Variants in TOM1L2 observed in about 807,000 individuals in gnomAD.
TOM1L2 encodes TOM1-like protein 2.
TOM1L2 carries 31 observed loss-of-function variants against 67.9 expected under a neutral mutation model. That is an observed-to-expected ratio of 0.46 (90% confidence interval 0.34 to 0.62). The LOEUF (loss-of-function observed/expected upper bound fraction) is 0.62, where lower values mean the gene tolerates loss of function less well. Ranked by LOEUF, TOM1L2 falls within the 20% of genes least tolerant of loss-of-function variation. The pLI is 0.01. For synonymous variants in TOM1L2, 256 were observed against 254.0 expected, an observed-to-expected ratio of 1.01 and a Z score of -0.07; for missense variants, 606 against 663.5, an observed-to-expected ratio of 0.91 and a Z score of 0.95.
intron 10 of TOM1L2, among the ~76,000 whole-genome samples, chr17:17,864,580 C>T (rs369929552): frequency 2.6e-4 from 39 of 151,362 alleles, no homozygotes; most frequent in African/African-American, 8.7e-4. Flanking sequence ...GGCACAATCT[C>T]GGCTCACTGC....
At position 17,962,604 on chromosome 17, in the gene TOM1L2, G is replaced by A. The variant is rs537644851; in HGVS notation, c.52+9658C>T. Among the ~76,000 whole-genome samples the A allele has an allele frequency of 2.2e-4, 33 of 151,502 alleles. No homozygotes were observed. In the South Asian group the frequency reaches 3.0e-3, roughly 14 times the overall value. ...GCTAGGATTAAAGGCATGAGCCACC[G>A]CGACTGGCCCAATGTGAATATATTT... On this transcript the variant is annotated intron_variant, in intron 1 of 14. Transcript: ENST00000379504.
chr17:17,855,733 G>C (rs1034168080), intron 12 of TOM1L2, among the ~76,000 whole-genome samples: 2 of 152,176 alleles, frequency 1.3e-5, no homozygotes, highest in African/African-American at 4.8e-5. Flanking sequence ...AGTTTTCAAT[G>C]TAACAAGAAC....
chr17:17,944,168 C>T (rs546612908), intron 1 of TOM1L2, among the ~76,000 whole-genome samples: 33 of 152,346 alleles, frequency 2.2e-4, no homozygotes, highest in African/African-American at 4.6e-4. Context: ...ATGCAGCCCC[C>T]GGATAGGCAG....
chr17:17,885,170 T>G (rs1376202687), intron 4 of TOM1L2, among the ~76,000 whole-genome samples: 1 of 152,262 alleles, frequency 6.6e-6, no homozygotes, highest in Admixed American at 6.5e-5. Flanking sequence ...GCCTGCCCTC[T>G]GTGCGGGAGC....
intron 1 of TOM1L2, among the ~76,000 whole-genome samples, chr17:17,958,213 C>T (rs1277632723): frequency 6.6e-6 from 1 of 152,114 alleles, no homozygotes; most frequent in Admixed American, 6.5e-5. Flanking sequence ...ACGAACAAAC[C>T]ATGCTCTTCA....
At chr17:17,862,889 T>C in intron 10 of TOM1L2, 41 bp from the exon 11 acceptor site, 1 of 1,543,248 alleles carries the variant, frequency 6.5e-7, no homozygotes, top group Non-Finnish European at 8.9e-7. Flanking sequence ...GAGAACAAAA[T>C]GTAGACTGTA....
At chr17:17,913,218 AGAGGGAGACCGTGGGGAGAC>A (rs1267069341) in intron 1 of TOM1L2, among the ~76,000 whole-genome samples, 3 of 150,116 alleles carry the variant, frequency 2.0e-5, no homozygotes, top group African/African-American at 7.5e-5. Flanking sequence ...CGGGAGAGGG[AGAGGGAGACCGTGGGGAGAC>A]GGGGGAGACC....
intron 8 of TOM1L2, among the ~76,000 whole-genome samples, chr17:17,867,214 G>GCCCAGAGATCTCCTCTTGT (rs139494270): frequency 0.051 from 7,796 of 152,182 alleles, 577 homozygotes; most frequent in African/African-American, 0.16. Flanking sequence ...ACACACCTGG[G>GCCCAGAGATCTCCTCTTGT]CCCTGGAGGG....
chr17:17,878,908 G>A (rs2037564582), intron 7 of TOM1L2, among the ~76,000 whole-genome samples: 1 of 151,922 alleles, frequency 6.6e-6, no homozygotes, highest in Non-Finnish European at 1.5e-5. Flanking sequence ...ACTGGCTCTG[G>A]ACCTGGCTGC....
chr17:17,957,906 C>T (rs533553346), intron 1 of TOM1L2, among the ~76,000 whole-genome samples: 13 of 151,622 alleles, frequency 8.6e-5, no homozygotes, highest in African/African-American at 2.7e-4. Flanking sequence ...CTGGCTAACA[C>T]GGTGAAACCC....
chr17:17,903,558 A>G (rs912460064), intron 2 of TOM1L2, among the ~76,000 whole-genome samples: 1 of 150,302 alleles, frequency 6.7e-6, no homozygotes, highest in African/African-American at 2.5e-5. Flanking sequence ...GCTTGCAGTG[A>G]GCCGAGATCG....
intron 1 of TOM1L2, among the ~76,000 whole-genome samples, chr17:17,965,703 A>T (rs2041848686): frequency 6.6e-6 from 1 of 152,196 alleles, no homozygotes; most frequent in Non-Finnish European, 1.5e-5. Context: ...CCCCATCTGA[A>T]AATGGAGATA....
intron 1 of TOM1L2, among the ~76,000 whole-genome samples, chr17:17,947,267 T>G (rs2040992549): frequency 6.6e-6 from 1 of 150,618 alleles, no homozygotes; most frequent in African/African-American, 2.5e-5. Context: ...CAAGTGATCC[T>G]GCTGCCTCAG....
At chr17:17,887,774 G>T (rs1020702936) in intron 4 of TOM1L2, among the ~76,000 whole-genome samples, 16 of 152,186 alleles carry the variant, frequency 1.1e-4, no homozygotes, top group African/African-American at 3.4e-4. Flanking sequence ...ACTGCGCCCA[G>T]CCCAGACACC....
intron 1 of TOM1L2, among the ~76,000 whole-genome samples, chr17:17,913,881 A>C (rs1475292951): frequency 6.6e-6 from 1 of 152,176 alleles, no homozygotes; most frequent in Non-Finnish European, 1.5e-5. Context: ...CCAAGACTGT[A>C]TCCCTTGTAG....
At chr17:17,952,424 C>T (rs1209471969) in intron 1 of TOM1L2, among the ~76,000 whole-genome samples, 1 of 112,036 alleles carries the variant, frequency 8.9e-6, no homozygotes, top group Non-Finnish European at 1.8e-5. Flanking sequence ...CAGGATTTCA[C>T]TCTGTTCCCA....
chr17:17,917,775 G>A (rs1361744400), intron 1 of TOM1L2, among the ~76,000 whole-genome samples: 1 of 151,944 alleles, frequency 6.6e-6, no homozygotes, highest in Non-Finnish European at 1.5e-5. Flanking sequence ...GGCAACATAA[G>A]GAGACCCCAT....
chr17:17,971,105 G>A (rs1030304446), intron 1 of TOM1L2, among the ~76,000 whole-genome samples: 2 of 152,070 alleles, frequency 1.3e-5, no homozygotes. Flanking sequence ...CCCCCCTATA[G>A]GATTAACAGA....
intron 1 of TOM1L2, among the ~76,000 whole-genome samples, chr17:17,945,108 G>A (rs1419608199): frequency 6.6e-6 from 1 of 152,150 alleles, no homozygotes; most frequent in Non-Finnish European, 1.5e-5. Flanking sequence ...ACCAAAGGGT[G>A]GATTTAAAGC....
Sources: allele counts gnomAD v4.1 joint callset (sites outside exome capture counted in the v4.1 genomes callset), GRCh38; gene constraint gnomAD v4.1.1; transcripts MANE v1.5; gene names NCBI Gene and HGNC (gene_info 2026-07-23, HGNC 2026-07-21).